Variants in PCSK5 observed in about 807,000 individuals in gnomAD.
PCSK5 encodes the protein proprotein convertase subtilisin/kexin type 5.
In PCSK5, 129 loss-of-function variants were observed where a neutral mutation model predicts 233.2. That is an observed-to-expected ratio of 0.55 (90% CI 0.48 to 0.64). The LOEUF is 0.64. Ranked by LOEUF, PCSK5 falls within the 30% of genes least tolerant of loss-of-function variation. The pLI is 0.00. For synonymous variants in PCSK5, 825 were observed against 879.2 expected (o/e 0.94, Z 1.09); for missense variants, 2,076 against 2,430.1 (o/e 0.85, Z 3.06).
intron 37 of PCSK5, among the ~76,000 whole-genome samples, chr9:76,357,498 G>A (rs939652586): frequency 6.6e-6 from 1 of 151,664 alleles, no homozygotes; most frequent in East Asian, 1.9e-4. Context: ...CAGCCTGGGT[G>A]ACAGAGCGAG....
chr9:76,064,948 A>G (rs879774684), intron 5 of PCSK5, among the ~76,000 whole-genome samples: 1 of 152,186 alleles, frequency 6.6e-6, no homozygotes, highest in Non-Finnish European at 1.5e-5. Flanking sequence ...TGGCCTCCCA[A>G]AGTGTTGGGA....
intron 20 of PCSK5, among the ~76,000 whole-genome samples, chr9:76,201,433 C>T (rs888781976): frequency 4.6e-5 from 7 of 152,214 alleles, no homozygotes; most frequent in African/African-American, 1.2e-4. Context: ...TAAGGTACTC[C>T]AGTGGTAGAT....
At chr9:76,333,399 A>C (rs550973163) in intron 34 of PCSK5, among the ~76,000 whole-genome samples, 1 of 152,364 alleles carries the variant, frequency 6.6e-6, no homozygotes, top group South Asian at 2.1e-4. Flanking sequence ...AAATAGTTCC[A>C]TTAACATCTC....
At chr9:76,354,959 T>A (rs1299582024) in intron 37 of PCSK5, among the ~76,000 whole-genome samples, 2 of 152,200 alleles carry the variant, frequency 1.3e-5, no homozygotes, top group East Asian at 3.9e-4. Context: ...ATTATCCTGA[T>A]TCTGTTGAAG....
At chr9:75,998,979 TTTTTC>T (rs1827144494) in intron 3 of PCSK5, among the ~76,000 whole-genome samples, 1 of 152,142 alleles carries the variant, frequency 6.6e-6, no homozygotes, top group African/African-American at 2.4e-5. Flanking sequence ...ATCTAAAAAT[TTTTTC>T]TTTGTCATTT....
intron 28 of PCSK5, among the ~76,000 whole-genome samples, chr9:76,304,296 G>A (rs1015655194): frequency 4.6e-5 from 7 of 152,154 alleles, no homozygotes; most frequent in Admixed American, 1.3e-4. Context: ...CCGCATATCT[G>A]TGTCTATCCA....
chr9:75,980,522 A>G (rs879314681), intron 2 of PCSK5, among the ~76,000 whole-genome samples: 6 of 152,236 alleles, frequency 3.9e-5, no homozygotes, highest in Non-Finnish European at 7.3e-5. Context: ...AAGCAAATCA[A>G]GTAAAACTTC....
At chr9:76,074,682 G>A in intron 7 of PCSK5, among the ~76,000 whole-genome samples, 1 of 152,074 alleles carries the variant, frequency 6.6e-6, no homozygotes, top group East Asian at 1.9e-4. Context: ...TCTCATCTAA[G>A]GTAGGGCACT....
chr9:76,078,034 A>G (rs1055111953), intron 7 of PCSK5, among the ~76,000 whole-genome samples: 4 of 152,158 alleles, frequency 2.6e-5, no homozygotes, highest in Non-Finnish European at 5.9e-5. Flanking sequence ...CATTTCTCTG[A>G]TGATTAGTGA....
At chr9:75,994,240 TCCA>T (rs1826897610) in intron 3 of PCSK5, among the ~76,000 whole-genome samples, 1 of 152,000 alleles carries the variant, frequency 6.6e-6, no homozygotes, top group Non-Finnish European at 1.5e-5. Context: ...TTAAAGCCAA[TCCA>T]CCACCAAGTC....
chr9:76,023,547 C>T (rs1348381120), intron 3 of PCSK5, among the ~76,000 whole-genome samples, 191 bp from the exon 4 acceptor site: 1 of 151,760 alleles, frequency 6.6e-6, no homozygotes, highest in Non-Finnish European at 1.5e-5. Flanking sequence ...CCTTTGTAGT[C>T]TCAGCTACTC....
At chr9:76,126,170 CG>C (rs1832843629) in intron 9 of PCSK5, among the ~76,000 whole-genome samples, 1 of 78,484 alleles carries the variant, frequency 1.3e-5, no homozygotes, top group Non-Finnish European at 3.6e-5. Context: ...TTTTTTCCTG[CG>C]TGTGTGTGTA....
At chr9:76,099,135 G>A (rs1831654945) in intron 8 of PCSK5, among the ~76,000 whole-genome samples, 1 of 152,000 alleles carries the variant, frequency 6.6e-6, no homozygotes, top group African/African-American at 2.4e-5. Context: ...TTCTGTTTTT[G>A]TGAGATTATA....
intron 5 of PCSK5, among the ~76,000 whole-genome samples, chr9:76,046,741 T>C (rs1829422898): frequency 6.6e-6 from 1 of 151,068 alleles, no homozygotes; most frequent in Non-Finnish European, 1.5e-5. Context: ...TTTGTATTTT[T>C]AGTAGAGACG....
chr9:76,201,332 A>G (rs1824907987), intron 20 of PCSK5, among the ~76,000 whole-genome samples: 1 of 152,200 alleles, frequency 6.6e-6, no homozygotes, highest in African/African-American at 2.4e-5. Flanking sequence ...ATGCTGAGCT[A>G]AAGGCTTCAT....
Position 76,152,902 on chromosome 9 carries a change from A to C in PCSK5, c.1313-4143A>C, listed in dbSNP as rs569254433. 2.0e-5 allele frequency among the ~76,000 whole-genome samples: 3 copies of C among 152,288 alleles called. No homozygotes were observed. The South Asian group carries it at 6.2e-4, about 32-fold the overall frequency. ...CGCCTAACAATTATCTTCTCTCAGC[A>C]CTTCCGGTCTCATCAGAAAATAAGA... On this transcript the variant is annotated intron_variant, in intron 10 of 37. Transcript: ENST00000674117.
At position 75,891,024 on chromosome 9, in the gene PCSK5, C is replaced by T. The variant is rs1394636996; in HGVS notation, c.-158C>T. ...CGGCGTAAGGCTCGCTGCTCTGCTC[C>T]CTGCCGGGGCTAGCCGCCTCCTGCC... On this transcript the variant is annotated 5_prime_UTR_variant, in exon 1 of 38. Transcript: ENST00000674117. The T allele has an allele frequency of 1.9e-6, 1 of 524,056 alleles. No individual in the cohort carries two copies. Among genetic ancestry groups the T allele is most frequent in the South Asian group, 3.7e-5 (1 of 27,364 alleles). The allele number at this position is 524,056 out of a possible 1,614,324, so 32.5% of individuals were successfully genotyped here.
Position 76,046,099 on chromosome 9 carries a change from T to C in PCSK5, c.632+19062T>C, listed in dbSNP as rs13285508. On this transcript the variant is annotated intron_variant, in intron 5 of 37. Transcript: ENST00000674117. ...GTCTTGTTTTATGACTCTGGACAGA[T>C]GAATCAATATGAATGTTCAAATACT... 7.3e-4 allele frequency among the ~76,000 whole-genome samples: 110 copies of C among 151,200 alleles called. 1 individual carries two copies. The East Asian group carries it at 0.02, about 28-fold the overall frequency.
At chr9:76,228,029 G>A (rs1825954348) in intron 21 of PCSK5, among the ~76,000 whole-genome samples, 1 of 151,328 alleles carries the variant, frequency 6.6e-6, no homozygotes, top group Non-Finnish European at 1.5e-5. Flanking sequence ...GAGTGCAGTG[G>A]CGCGATCTCT....
Sources: allele counts gnomAD v4.1 joint callset (sites outside exome capture counted in the v4.1 genomes callset), GRCh38; gene constraint gnomAD v4.1.1; transcripts MANE v1.5; gene names NCBI Gene and HGNC (gene_info 2026-07-23, HGNC 2026-07-21).